The following WDFY1 variants were observed in gnomAD, a reference collection of about 807,000 sequenced individuals.
WDFY1 encodes WD repeat and FYVE domain-containing protein 1.
WDFY1 carries 32 observed loss-of-function variants against 56.4 expected under a neutral mutation model. That is an observed-to-expected ratio of 0.57 (90% CI 0.43 to 0.76). The LOEUF (loss-of-function observed/expected upper bound fraction) is 0.76. WDFY1 is among the 30% of genes least tolerant of loss of function. The pLI is 0.00. For synonymous variants in WDFY1, 192 were observed against 197.3 expected (o/e 0.97, Z 0.23); for missense variants, 480 against 545.7 (o/e 0.88, Z 1.20).
chr2:223,905,076 T>A (rs1257144407), intron 4 of WDFY1, among the ~76,000 whole-genome samples: 3 of 152,170 alleles, frequency 2.0e-5, no homozygotes, highest in African/African-American at 7.2e-5. Flanking sequence ...ATGGTCAACA[T>A]TAAATAAAGC....
chr2:223,901,212 G>A lies in WDFY1; in HGVS notation c.456C>T (p.His152=). The change falls in exon 5 of 12, where the codon CAC becomes CAT. Residue 152 remains histidine (H), a synonymous_variant. Transcript: ENST00000233055. ...CTRSGNMLGR[H]FFTSWASCLQ... ...GACACGAAGCCCAGGACGTGAAGAA[G>A]TGCCTCCCGAGCATGTTCCCGCTCC... The A allele has an allele frequency of 1.2e-6, 2 of 1,614,080 alleles. No individual in the cohort carries two copies. The highest frequency in any genetic ancestry group is 1.7e-6 in the Non-Finnish European group (2 of 1,179,988).
intron 8 of WDFY1, among the ~76,000 whole-genome samples, chr2:223,892,949 C>A (rs557682120): frequency 2.0e-5 from 3 of 152,282 alleles, no homozygotes; most frequent in South Asian, 2.1e-4. Flanking sequence ...CATTAACATC[C>A]CTCATGATCT....
Position 223,912,274 on chromosome 2 carries a change from G to T in WDFY1, c.258C>A (p.Gly86=). Residue 86 remains glycine, a synonymous_variant, in exon 3 of 12, where the codon GGC becomes GGA. Coordinates refer to ENST00000233055, the MANE Select transcript of WDFY1 (RefSeq NM_020830.5). The part of the protein sequence containing the change: ...YHHDSRRIFV[G]QDNGAVMEFH... ...CTACCATTACAGCTCCATTATCCTG[G>T]CCCACAAATATCCGTCTGCTGTCAT... 6.2e-7 allele frequency: 1 copy of T among 1,610,532 alleles called. No individual in the cohort carries two copies. The highest frequency in any genetic ancestry group is 8.5e-7 in the Non-Finnish European group (1 of 1,179,046).
Position 223,898,953 on chromosome 2 carries a change from C to T in WDFY1, c.598+5G>A. ...AAAAAACTCTTGGGTGATAATATAG[C>T]CTACCTTCATGTCCTTTGAGGGTTG... On this transcript the variant is annotated splice_donor_5th_base_variant and intron_variant, in intron 6 of 11. Transcript: ENST00000233055. 1.2e-6 allele frequency: 2 copies of T among 1,612,962 alleles called. No homozygotes were observed. The highest frequency in any genetic ancestry group is 8.5e-7 in the Non-Finnish European group (1 of 1,179,088).
At chr2:223,944,789 G>C (rs1285601039) in intron 1 of WDFY1, among the ~76,000 whole-genome samples, 2 of 150,752 alleles carry the variant, frequency 1.3e-5, no homozygotes, top group African/African-American at 4.9e-5. Context: ...TGGGAGGGGC[G>C]CGGTAGGGCG....
chr2:223,921,111 G>A (rs575817782), intron 1 of WDFY1, among the ~76,000 whole-genome samples: 29 of 152,238 alleles, frequency 1.9e-4, no homozygotes, highest in East Asian at 7.7e-4. Context: ...TCAAGGCTCC[G>A]GGTGTTGGTA....
chr2:223,885,432 A>T (rs1262433766), intron 8 of WDFY1, among the ~76,000 whole-genome samples: 1 of 152,066 alleles, frequency 6.6e-6, no homozygotes, highest in Non-Finnish European at 1.5e-5. Context: ...CCTGGCTTCA[A>T]ATAATCCTTC....
At chr2:223,907,250 T>A (rs1693612558) in intron 3 of WDFY1, among the ~76,000 whole-genome samples, 1 of 152,170 alleles carries the variant, frequency 6.6e-6, no homozygotes, top group African/African-American at 2.4e-5. Flanking sequence ...GTGCTGGGAT[T>A]ACAGGCATGA....
chr2:223,939,673 T>C (rs546215927), intron 1 of WDFY1, among the ~76,000 whole-genome samples: 1 of 152,312 alleles, frequency 6.6e-6, no homozygotes, highest in South Asian at 2.1e-4. Context: ...ACTTACTCAC[T>C]GCCACGAGAA....
At chr2:223,902,265 ATTAATC>A (rs372208489) in intron 4 of WDFY1, among the ~76,000 whole-genome samples, 123 of 152,366 alleles carry the variant, frequency 8.1e-4, no homozygotes, top group African/African-American at 2.9e-3. Context: ...TATGATAGCT[ATTAATC>A]TTAAATTCAG....
rs567903054 is a variant in WDFY1 at position 223,917,281 on chromosome 2, C to T, written c.205+662G>A. On this transcript the variant is annotated intron_variant, in intron 2 of 11. Transcript: ENST00000233055. ...AAAGGTTGGGCAAAGGTAGTCATGA[C>T]GCTATGGAGGGCACAGTCCTTTTTT... Among the ~76,000 whole-genome samples, 11 of 152,276 alleles carry T rather than the reference C, an allele frequency of 7.2e-5. No individual in the cohort carries two copies. The East Asian group carries it at 9.6e-4, about 13-fold the overall frequency.
chr2:223,922,240 T>C (rs553794095), intron 1 of WDFY1, among the ~76,000 whole-genome samples: 2 of 152,234 alleles, frequency 1.3e-5, no homozygotes, highest in Admixed American at 6.5e-5. Context: ...CATTTCAGCA[T>C]AACTTCTTCA....
At chr2:223,906,294 C>T (rs1416894553) in intron 3 of WDFY1, among the ~76,000 whole-genome samples, 1 of 152,160 alleles carries the variant, frequency 6.6e-6, no homozygotes, top group East Asian at 1.9e-4. Context: ...CTCCCTCCTA[C>T]TACAAAACTT....
chr2:223,938,856 ATTT>A (rs10626915), intron 1 of WDFY1, among the ~76,000 whole-genome samples: 6 of 140,488 alleles, frequency 4.3e-5, no homozygotes, highest in Non-Finnish European at 9.1e-5. Flanking sequence ...TGTAAGCAGT[ATTT>A]TTTTTTTTTT....
chr2:223,936,943 T>C (rs987591534), intron 1 of WDFY1, among the ~76,000 whole-genome samples: 3 of 152,210 alleles, frequency 2.0e-5, no homozygotes, highest in Admixed American at 1.3e-4. Flanking sequence ...TTGGAAGCCT[T>C]GTGTCTGGTT....
At chr2:223,897,765 T>G (rs2106080320) in intron 6 of WDFY1, among the ~76,000 whole-genome samples, 1 of 152,046 alleles carries the variant, frequency 6.6e-6, no homozygotes, top group East Asian at 1.9e-4. Flanking sequence ...TCACGAATGG[T>G]TTAGTGCCAT....
chr2:223,931,482 T>C (rs1219571765), intron 1 of WDFY1, among the ~76,000 whole-genome samples: 1 of 152,208 alleles, frequency 6.6e-6, no homozygotes, highest in Non-Finnish European at 1.5e-5. Flanking sequence ...TTCCTTTTTA[T>C]TTCTACTGTT....
At position 223,894,289 on chromosome 2, in the gene WDFY1, G is replaced by GA; in HGVS notation, c.775dup (p.Ser259PhefsTer16). On this transcript the variant is annotated frameshift_variant, in exon 8 of 12. Transcript: ENST00000233055. LOFTEE classifies it high-confidence loss of function. The stretch of plus-strand genomic sequence containing the variant: ...TGCAATTCCGCCGTCCGAGGAACAG[G>GA]AGACGAGCTGCCTGGTGAGCTGAAG... 1 of 1,614,192 alleles carries GA rather than the reference G, an allele frequency of 6.2e-7. No homozygotes were observed. The highest frequency in any genetic ancestry group is 8.5e-7 in the Non-Finnish European group (1 of 1,180,018).
intron 6 of WDFY1, among the ~76,000 whole-genome samples, chr2:223,896,389 T>C (rs925705630): frequency 6.6e-6 from 1 of 152,118 alleles, no homozygotes; most frequent in African/African-American, 2.4e-5. Flanking sequence ...GCAGGTGTTT[T>C]ACCCCAAGAT....
Sources: gnomAD v4.1 joint callset for allele counts (sites outside exome capture counted in the v4.1 genomes callset) on GRCh38, gnomAD v4.1.1 for gene constraint, MANE v1.5 for transcripts, NCBI Gene and HGNC (gene_info 2026-07-23, HGNC 2026-07-21) for gene names.